TCAF1: variants seen among roughly 807,000 people sequenced by gnomAD.
The protein encoded by TCAF1 is TRPM8 channel associated factor 1.
A neutral mutation model predicts 27.3 loss-of-function variants in TCAF1; 4 were observed. The observed-to-expected ratio is 0.15, with a 90% CI of 0.07 to 0.34. The LOEUF (loss-of-function observed/expected upper bound fraction) is 0.34, where lower values mean the gene tolerates loss of function less well. Ranked by LOEUF, TCAF1 falls within the 10% of genes least tolerant of loss-of-function variation. The probability of loss-of-function intolerance (pLI) is 1.00; values close to 1 mark genes in which losing one functional copy is unlikely to be tolerated. For synonymous variants in TCAF1, 105 were observed against 167.1 expected (o/e 0.63, Z 2.87); for missense variants, 257 against 425.8 (o/e 0.60, Z 3.49).
At position 143,899,544 on chromosome 7, in the gene TCAF1, G is replaced by A. The variant is rs73725424; in HGVS notation, c.-15+2417C>T. 9.1e-3 allele frequency among the ~76,000 whole-genome samples: 1,385 copies of A among 152,124 alleles called. 25 individuals are homozygous for A. Among genetic ancestry groups the A allele is most frequent in the African/African-American group, 0.031 (1,298 of 41,520 alleles). Reference sequence around the variant, plus strand: ...CAAAACTATAACACTTTTAGAAAACGATACACTAAAATTAATCTATGATCT... The same window carrying A: ...CAAAACTATAACACTTTTAGAAAACAATACACTAAAATTAATCTATGATCT... On this transcript the variant is annotated intron_variant, in intron 1 of 8. Coordinates refer to ENST00000479870, the MANE Select transcript of TCAF1 (RefSeq NM_014719.3).
At position 143,876,098 on chromosome 7, in the gene TCAF1, G is replaced by C. The variant is rs1812683560; in HGVS notation, c.511C>G (p.Pro171Ala). Reference protein sequence around the residue: ...GEDERVLFTFPGNLVTSVAGI... With the variant: ...GEDERVLFTFAGNLVTSVAGI... ...GCCACACTGGTCACGAGGTTCCCAGGGAACGTGAACAGAACCCTTTCATCC... is the reference window on the plus strand; with the variant it reads ...GCCACACTGGTCACGAGGTTCCCAGCGAACGTGAACAGAACCCTTTCATCC... The change falls in exon 2 of 9, where the codon CCT becomes GCT. Residue 171 changes from proline to alanine, a missense_variant. Transcript: ENST00000479870. 1.9e-6 allele frequency: 3 copies of C among 1,613,836 alleles called. No individual in the cohort carries two copies. Among genetic ancestry groups the C allele is most frequent in the Non-Finnish European group, 2.5e-6 (3 of 1,179,798 alleles).
intron 7 of TCAF1, among the ~76,000 whole-genome samples, 182 bp from the exon 8 acceptor site, chr7:143,857,532 T>C (rs1398318117): frequency 2.6e-5 from 4 of 152,310 alleles, no homozygotes. Flanking sequence ...ATTCTAATCT[T>C]AGGAAGGGCC....
At chr7:143,889,983 G>A (rs908782657) in intron 1 of TCAF1, among the ~76,000 whole-genome samples, 2 of 151,932 alleles carry the variant, frequency 1.3e-5, no homozygotes, top group Middle Eastern at 3.2e-3. Flanking sequence ...ATCTGTGAAG[G>A]GCACCCATTT....
intron 1 of TCAF1, among the ~76,000 whole-genome samples, chr7:143,892,528 ATT>A (rs556518073): frequency 2.6e-4 from 36 of 137,798 alleles, no homozygotes; most frequent in Non-Finnish European, 3.5e-4. Flanking sequence ...CTTTAACCCA[ATT>A]TTTTTTTTTT....
chr7:143,886,700 CTT>C (rs11398264), intron 1 of TCAF1, among the ~76,000 whole-genome samples: 1,025 of 89,080 alleles, frequency 0.012, 11 homozygotes, highest in African/African-American at 0.049. Context: ...CAAATTTTAC[CTT>C]TTTTTTTTTT....
At chr7:143,881,579 G>A (rs939623913) in intron 1 of TCAF1, among the ~76,000 whole-genome samples, 2 of 152,054 alleles carry the variant, frequency 1.3e-5, no homozygotes, top group South Asian at 2.1e-4. Context: ...TACATGTGGA[G>A]GGATATAGAT....
At chr7:143,859,902 T>G (rs191308474) in intron 6 of TCAF1, among the ~76,000 whole-genome samples, 2,202 of 43,690 alleles carry the variant, frequency 0.05, 231 homozygotes, top group Middle Eastern at 0.066. Context: ...ATATATTATA[T>G]AATATATATT....
intron 1 of TCAF1, among the ~76,000 whole-genome samples, chr7:143,893,899 A>G (rs1813761302): frequency 6.6e-6 from 1 of 151,860 alleles, no homozygotes; most frequent in Non-Finnish European, 1.5e-5. Context: ...ATCAGAGAAT[A>G]TAATAAACAT....
At chr7:143,860,009 T>TTATGTAATATATTATATA (rs1811905187) in intron 6 of TCAF1, among the ~76,000 whole-genome samples, 199 bp downstream of exon 6, 1 of 29,380 alleles carries the variant, frequency 3.4e-5, no homozygotes, top group Non-Finnish European at 7.7e-5. Context: ...ATAATATATA[T>TTATGTAATATATTATATA]ATAATATATA....
intron 1 of TCAF1, among the ~76,000 whole-genome samples, chr7:143,897,131 AATATATAT>A (rs5888117): frequency 0.037 from 2,943 of 80,148 alleles, 58 homozygotes; most frequent in East Asian, 0.12. Context: ...GTTAATCTTG[AATATATAT>A]ATATATATAT....
In TCAF1 at chr7:143,883,511, T is replaced by C. The variant is rs1031030220; in HGVS notation, c.-14-6889A>G. The stretch of plus-strand genomic sequence containing the variant: ...TTTCTTTCCTTTTTCTTTTTTTTTT[T>C]TTTTTTTTTTTTGAGACGGAGTCTC... On this transcript the variant is annotated intron_variant, in intron 1 of 8. Transcript: ENST00000479870. Among the ~76,000 whole-genome samples the C allele has an allele frequency of 1.2e-4, 17 of 139,950 alleles. No individual in the cohort carries two copies. The East Asian group carries it at 3.5e-3, about 29-fold the overall frequency. The allele number at this position is 139,950 out of a possible 152,430, so 91.8% of individuals were successfully genotyped here. A position where few individuals can be genotyped will look rare whatever the true frequency, so the allele number is the denominator to read the frequency against.
At chr7:143,884,304 T>C (rs1231546220) in intron 1 of TCAF1, among the ~76,000 whole-genome samples, 1 of 152,110 alleles carries the variant, frequency 6.6e-6, no homozygotes, top group Non-Finnish European at 1.5e-5. Flanking sequence ...AATTGGATCA[T>C]TAGGAACAAG....
intron 1 of TCAF1, among the ~76,000 whole-genome samples, chr7:143,878,336 A>T (rs980330315): frequency 2.6e-5 from 4 of 152,178 alleles, no homozygotes; most frequent in Non-Finnish European, 2.9e-5. Context: ...AATAGTTTTC[A>T]TATTTTGGTA....
In TCAF1 at chr7:143,876,429, C is replaced by G. The variant is rs1217213385; in HGVS notation, c.180G>C (p.Val60=). The change falls in exon 2 of 9, where the codon GTG becomes GTC. Residue 60 remains valine (V), a synonymous_variant. Transcript: ENST00000479870. ...CCAAGTAGTCCTCATGGGACACGAC[C>G]ACCAGGCGGCCACGGCCATAGGAGG... is the stretch of plus-strand genomic sequence containing the variant. The part of the protein sequence containing the change: ...AASSYGRGRL[V]VVSHEDYLVE... 2 of 1,611,678 alleles carry G rather than the reference C, an allele frequency of 1.2e-6. No individual in the cohort carries two copies. Among genetic ancestry groups the G allele is most frequent in the East Asian group, 4.5e-5 (2 of 44,862 alleles).
chr7:143,865,185 AAG>A (rs1491576919), intron 2 of TCAF1, among the ~76,000 whole-genome samples: 3 of 26,556 alleles, frequency 1.1e-4, no homozygotes, highest in Non-Finnish European at 3.0e-4. Flanking sequence ...TTTAATGGAG[AAG>A]GGGGGGGGTC....
At chr7:143,880,158 G>C (rs1396787402) in intron 1 of TCAF1, among the ~76,000 whole-genome samples, 1 of 152,204 alleles carries the variant, frequency 6.6e-6, no homozygotes, top group African/African-American at 2.4e-5. Context: ...ATGCTTACCA[G>C]GTTCCTGGCA....
At chr7:143,880,426 T>C (rs894095629) in intron 1 of TCAF1, among the ~76,000 whole-genome samples, 4 of 152,224 alleles carry the variant, frequency 2.6e-5, no homozygotes, top group Admixed American at 2.6e-4. Flanking sequence ...CAGGCTTTTA[T>C]ATGCATTGAA....
chr7:143,901,786 A>G (rs1040370542), intron 1 of TCAF1, among the ~76,000 whole-genome samples, 175 bp downstream of exon 1: 12 of 152,172 alleles, frequency 7.9e-5, no homozygotes, highest in Non-Finnish European at 1.6e-4. Flanking sequence ...GGCGAGAATG[A>G]AATAGGCACC....
At chr7:143,879,978 G>A (rs1812929929) in intron 1 of TCAF1, among the ~76,000 whole-genome samples, 1 of 152,262 alleles carries the variant, frequency 6.6e-6, no homozygotes, top group African/African-American at 2.4e-5. Flanking sequence ...TCAAGGATGA[G>A]TTGAATATAT....
Sources: gnomAD v4.1 joint callset for allele counts (sites outside exome capture counted in the v4.1 genomes callset) on GRCh38, gnomAD v4.1.1 for gene constraint, MANE v1.5 for transcripts, NCBI Gene and HGNC (gene_info 2026-07-23, HGNC 2026-07-21) for gene names.